Variants in KLF12 observed in about 807,000 individuals in gnomAD.
KLF12 encodes KLF transcription factor 12.
KLF12 carries 9 observed loss-of-function variants against 37.8 expected under a neutral mutation model. That is an observed-to-expected ratio of 0.24 (90% confidence interval 0.14 to 0.42). KLF12 has a LOEUF of 0.42. Ranked by LOEUF, KLF12 falls within the 10% of genes least tolerant of loss-of-function variation. The pLI is 1.00. For synonymous variants in KLF12, 208 were observed against 202.1 expected, an observed-to-expected ratio of 1.03 and a Z score of -0.25; for missense variants, 411 against 516.0, an observed-to-expected ratio of 0.80 and a Z score of 1.97.
chr13:73,926,686 G>T (rs1889393547), intron 3 of KLF12, among the ~76,000 whole-genome samples: 2 of 149,014 alleles, frequency 1.3e-5, no homozygotes, highest in Admixed American at 6.7e-5. Context: ...TTACTTTTCA[G>T]AACTAATCAA....
the KLF12 span, among the ~76,000 whole-genome samples, chr13:74,151,802 A>G: frequency 6.6e-6 from 1 of 152,328 alleles, no homozygotes. Flanking sequence ...CTGCAATGTG[A>G]TTTGAAGACA....
At chr13:74,086,654 C>T (rs1201717467) in intron 1 of KLF12, among the ~76,000 whole-genome samples, 1 of 151,972 alleles carries the variant, frequency 6.6e-6, no homozygotes, top group Non-Finnish European at 1.5e-5. Context: ...ATACTGTTGA[C>T]CCCTGAACAT....
intron 6 of KLF12, among the ~76,000 whole-genome samples, chr13:73,732,331 C>T (rs755853261): frequency 2.6e-5 from 4 of 151,938 alleles, no homozygotes; most frequent in Non-Finnish European, 5.9e-5. Flanking sequence ...CTCAGGTGAT[C>T]CATCCACCTC....
chr13:74,192,813 A>T, the KLF12 span, among the ~76,000 whole-genome samples: 151 of 152,320 alleles, frequency 9.9e-4, no homozygotes, highest in African/African-American at 3.5e-3. Flanking sequence ...TAGAATGCAC[A>T]GATTTTCCAA....
the KLF12 span, among the ~76,000 whole-genome samples, chr13:74,246,249 T>A: frequency 6.6e-6 from 1 of 152,216 alleles, no homozygotes; most frequent in African/African-American, 2.4e-5. Flanking sequence ...TAGGGTTTGA[T>A]CAAATTCTGT....
the KLF12 span, among the ~76,000 whole-genome samples, chr13:74,303,447 T>G: frequency 6.6e-6 from 1 of 152,170 alleles, no homozygotes; most frequent in Non-Finnish European, 1.5e-5. Flanking sequence ...TACCTGTCAT[T>G]CTTTCTTTCT....
Position 73,960,623 on chromosome 13 carries a change from T to C in KLF12, c.34-16553A>G, listed in dbSNP as rs114789741. ...AAACACATACACACTGTCCCATATATACTCATGTTACAGTTACAATTTAAC... is the reference window on the plus strand; with the variant it reads ...AAACACATACACACTGTCCCATATACACTCATGTTACAGTTACAATTTAAC... On this transcript the variant is annotated intron_variant, in intron 2 of 7. Transcript: ENST00000377669. Among the ~76,000 whole-genome samples the C allele has an allele frequency of 1.7e-3, 260 of 152,270 alleles. 1 individual carries two copies. Among genetic ancestry groups the C allele is most frequent in the African/African-American group, 5.9e-3 (245 of 41,566 alleles).
At chr13:74,011,637 T>C (rs1418077309) in intron 1 of KLF12, among the ~76,000 whole-genome samples, 1 of 152,250 alleles carries the variant, frequency 6.6e-6, no homozygotes, top group Non-Finnish European at 1.5e-5. Context: ...GACTAAGTAC[T>C]ACATTAAATC....
At chr13:73,943,344 G>T (rs1890275521) in intron 3 of KLF12, among the ~76,000 whole-genome samples, 1 of 152,014 alleles carries the variant, frequency 6.6e-6, no homozygotes, top group Admixed American at 6.6e-5. Context: ...AACTAAACCA[G>T]TGAAGCCATA....
At chr13:74,132,280 A>T (rs368364973) in intron 1 of KLF12, among the ~76,000 whole-genome samples, 3 of 152,224 alleles carry the variant, frequency 2.0e-5, no homozygotes, top group African/African-American at 7.2e-5. Context: ...GCATTTACTT[A>T]TCTAAACAAC....
the KLF12 span, among the ~76,000 whole-genome samples, chr13:74,153,470 A>G: frequency 6.6e-6 from 1 of 152,156 alleles, no homozygotes; most frequent in East Asian, 1.9e-4. Flanking sequence ...AACATGTGCT[A>G]TATCTATGCT....
At chr13:74,226,591 TA>T in the KLF12 span, among the ~76,000 whole-genome samples, 1 of 152,156 alleles carries the variant, frequency 6.6e-6, no homozygotes, top group Non-Finnish European at 1.5e-5. Flanking sequence ...GGCCTTCAGT[TA>T]AAAAAATCAA....
chr13:73,905,791 G>A (rs1048626550), intron 3 of KLF12, among the ~76,000 whole-genome samples: 2 of 149,564 alleles, frequency 1.3e-5, no homozygotes, highest in African/African-American at 5.1e-5. Flanking sequence ...ATGTTCATGA[G>A]GATGGCTTCT....
chr13:74,213,987 T>C, the KLF12 span, among the ~76,000 whole-genome samples: 5 of 152,158 alleles, frequency 3.3e-5, no homozygotes, highest in Non-Finnish European at 7.4e-5. Context: ...TTACATTAGT[T>C]TTGTTGAATT....
At chr13:73,853,805 G>A (rs7993176) in intron 3 of KLF12, among the ~76,000 whole-genome samples, 66,548 of 151,420 alleles carry the variant, frequency 0.44, 14,984 homozygotes, top group Non-Finnish European at 0.49. Flanking sequence ...ATTTTTAAAC[G>A]GGAACATAAA....
chr13:73,783,153 G>A (rs1021416323), intron 5 of KLF12, among the ~76,000 whole-genome samples: 6 of 151,838 alleles, frequency 4.0e-5, no homozygotes, highest in Admixed American at 2.0e-4. Flanking sequence ...CTTAAAAAAA[G>A]TATAAAATCC....
intron 1 of KLF12, among the ~76,000 whole-genome samples, chr13:74,110,618 G>C (rs758638056): frequency 1.3e-5 from 2 of 152,054 alleles, no homozygotes; most frequent in Non-Finnish European, 2.9e-5. Flanking sequence ...AGTGCTCAGA[G>C]GGGTAAGCAA....
chr13:74,269,433 CAAT>C, the KLF12 span, among the ~76,000 whole-genome samples: 3 of 151,880 alleles, frequency 2.0e-5, no homozygotes, highest in Non-Finnish European at 4.4e-5. Flanking sequence ...ACAGGCTGAA[CAAT>C]ATTTATGTGT....
chr13:74,302,598 G>A, the KLF12 span, among the ~76,000 whole-genome samples: 157 of 152,292 alleles, frequency 1.0e-3, no homozygotes, highest in African/African-American at 3.6e-3. Context: ...GGCATTTTCC[G>A]TTGGAGAAAC....
Sources: gnomAD v4.1 joint callset for allele counts (sites outside exome capture counted in the v4.1 genomes callset) on GRCh38, gnomAD v4.1.1 for gene constraint, MANE v1.5 for transcripts, NCBI Gene and HGNC (gene_info 2026-07-23, HGNC 2026-07-21) for gene names.